GSE1: variants seen among roughly 807,000 people sequenced by gnomAD.
The protein encoded by GSE1 is Gse1 coiled-coil protein.
In GSE1, 32 loss-of-function variants were observed where a neutral mutation model predicts 112.6. The ratio of observed to expected loss-of-function variants is 0.28; its 90% CI spans 0.21 to 0.38. The LOEUF is 0.38. GSE1 is among the 10% of genes least tolerant of loss of function. GSE1 has a pLI of 1.00. For missense variants in GSE1, 2,348 were observed against 1,699.2 expected, an observed-to-expected ratio of 1.38 and a Z score of -6.71; for synonymous variants, 1,115 against 735.6, an observed-to-expected ratio of 1.52 and a Z score of -8.35.
chr16:85,235,852 G>A (rs944907839), intron 1 of GSE1, among the ~76,000 whole-genome samples: 62 of 152,088 alleles, frequency 4.1e-4, no homozygotes, highest in African/African-American at 1.5e-3. Flanking sequence ...CGGGGCAGCT[G>A]TTCGCGATGC....
chr16:85,255,535 C>T (rs527711240), intron 1 of GSE1, among the ~76,000 whole-genome samples: 1 of 152,150 alleles, frequency 6.6e-6, no homozygotes, highest in Non-Finnish European at 1.5e-5. Context: ...CCTCAGCCTC[C>T]CAAGTAGCTG....
chr16:85,252,265 A>G (rs1906569795), intron 1 of GSE1, among the ~76,000 whole-genome samples: 1 of 151,696 alleles, frequency 6.6e-6, no homozygotes, highest in Admixed American at 6.6e-5. Context: ...TCTCCATGCG[A>G]TCACCCGGCC....
At chr16:85,585,435 C>T (rs1185862919) in intron 1 of GSE1, among the ~76,000 whole-genome samples, 1 of 152,236 alleles carries the variant, frequency 6.6e-6, no homozygotes, top group Non-Finnish European at 1.5e-5. Flanking sequence ...GAGGCCCGTG[C>T]CGTGAGACCC....
At chr16:85,471,854 A>T (rs2050305892) in intron 2 of GSE1, among the ~76,000 whole-genome samples, 1 of 152,102 alleles carries the variant, frequency 6.6e-6, no homozygotes, top group Admixed American at 6.5e-5. Context: ...GGGACTGCAG[A>T]CACACACTGT....
At chr16:85,497,142 A>G (rs1472128061) in intron 2 of GSE1, among the ~76,000 whole-genome samples, 1 of 151,532 alleles carries the variant, frequency 6.6e-6, no homozygotes, top group Non-Finnish European at 1.5e-5. Context: ...CAGGTGATCC[A>G]CCCGCCTCAG....
At chr16:85,416,325 C>T (rs1000249500) in intron 2 of GSE1, among the ~76,000 whole-genome samples, 1 of 152,072 alleles carries the variant, frequency 6.6e-6, no homozygotes, top group South Asian at 2.1e-4. Flanking sequence ...CTGGGAGGGC[C>T]GCCTAATTTC....
At chr16:85,640,969 C>A (rs549870218) in intron 2 of GSE1, among the ~76,000 whole-genome samples, 91 of 152,342 alleles carry the variant, frequency 6.0e-4, no homozygotes, top group African/African-American at 2.2e-3. Flanking sequence ...GAGAGGACCC[C>A]ACCACCTATC....
chr16:85,230,901 G>A (rs1265173305), intron 1 of GSE1, among the ~76,000 whole-genome samples: 4 of 151,514 alleles, frequency 2.6e-5, no homozygotes, highest in African/African-American at 9.7e-5. Flanking sequence ...GTGGAAGGAT[G>A]GATAGAATGG....
intron 2 of GSE1, among the ~76,000 whole-genome samples, chr16:85,548,273 T>A (rs1385587025): frequency 1.4e-5 from 2 of 148,022 alleles, no homozygotes; most frequent in African/African-American, 4.9e-5. Flanking sequence ...GAAAGAAATA[T>A]TCGAATTATT....
chr16:85,386,686 G>A (rs554632826), intron 2 of GSE1, among the ~76,000 whole-genome samples: 8 of 152,318 alleles, frequency 5.3e-5, no homozygotes, highest in East Asian at 3.9e-4. Context: ...TGCGTGAAAC[G>A]CCTTGGAAGG....
intron 1 of GSE1, among the ~76,000 whole-genome samples, chr16:85,595,890 A>T (rs1598320935): frequency 1.1e-5 from 1 of 94,598 alleles, no homozygotes; most frequent in Non-Finnish European, 2.1e-5. Flanking sequence ...CCACCCACCC[A>T]TTCCTCCATC....
chr16:85,196,754 C>A (rs1419695557), intron 1 of GSE1, among the ~76,000 whole-genome samples: 1 of 152,070 alleles, frequency 6.6e-6, no homozygotes, highest in African/African-American at 2.4e-5. Flanking sequence ...TCCCATTAGG[C>A]CCTGTGTTTA....
At chr16:85,659,307 G>GC (rs1182540562) in intron 8 of GSE1, 3 of 152,198 alleles carry the variant, frequency 2.0e-5, no homozygotes, top group Non-Finnish European at 4.4e-5. Flanking sequence ...CTCAAGCTTT[G>GC]CCCAGGGTCT....
intron 1 of GSE1, among the ~76,000 whole-genome samples, chr16:85,232,297 C>G (rs1455991724): frequency 2.0e-5 from 3 of 152,178 alleles, no homozygotes; most frequent in African/African-American, 7.2e-5. Flanking sequence ...AAAGGCCAAC[C>G]CTCGTTTATC....
intron 1 of GSE1, among the ~76,000 whole-genome samples, chr16:85,325,566 C>G (rs1350193538): frequency 6.6e-6 from 1 of 151,634 alleles, no homozygotes; most frequent in African/African-American, 2.4e-5. Flanking sequence ...GTTCTCCTGC[C>G]TCAGCCTCTG....
At chr16:85,548,853 G>C (rs575357392) in intron 2 of GSE1, among the ~76,000 whole-genome samples, 616 of 152,132 alleles carry the variant, frequency 4.0e-3, no homozygotes, top group African/African-American at 0.014. Context: ...GCAGTGGCTC[G>C]ATCTCGGCTC....
chr16:85,510,832 C>T (rs1215959103), intron 2 of GSE1, among the ~76,000 whole-genome samples: 2 of 152,350 alleles, frequency 1.3e-5, no homozygotes, highest in Admixed American at 6.5e-5. Context: ...AGCCTCAGGG[C>T]CTCTGCACCT....
intron 1 of GSE1, among the ~76,000 whole-genome samples, chr16:85,357,217 G>A (rs1032314679): frequency 3.3e-5 from 5 of 152,196 alleles, no homozygotes; most frequent in African/African-American, 9.7e-5. Flanking sequence ...TGTGTGGGTG[G>A]GACCCCAGCA....
intron 1 of GSE1, among the ~76,000 whole-genome samples, chr16:85,626,267 G>A (rs1213490689): frequency 1.3e-5 from 2 of 152,154 alleles, no homozygotes; most frequent in Non-Finnish European, 1.5e-5. Flanking sequence ...CACTGAGCTT[G>A]GAGCACGTGG....
Sources: gnomAD v4.1 joint callset for allele counts (sites outside exome capture counted in the v4.1 genomes callset) on GRCh38, gnomAD v4.1.1 for gene constraint, MANE v1.5 for transcripts, NCBI Gene and HGNC (gene_info 2026-07-23, HGNC 2026-07-21) for gene names.